The following SYT12 variants were observed in gnomAD, a reference collection of about 807,000 sequenced individuals.
SYT12 encodes the protein synaptotagmin-12.
In SYT12, 27 loss-of-function variants were observed where a neutral mutation model predicts 39.5. The observed-to-expected ratio is 0.68, with a 90% CI of 0.50 to 0.94. The LOEUF (loss-of-function observed/expected upper bound fraction) is 0.94, where lower values mean the gene tolerates loss of function less well. Among genes scored for constraint, SYT12 ranks in the 40% least tolerant of loss-of-function variants. The pLI, the probability that SYT12 is intolerant of heterozygous loss-of-function variation, is 0.00. For synonymous variants in SYT12, 233 were observed against 239.7 expected, an observed-to-expected ratio of 0.97 and a Z score of 0.26; for missense variants, 536 against 572.6, an observed-to-expected ratio of 0.94 and a Z score of 0.65.
chr11:67,037,549 AAAAT>A lies in SYT12; in HGVS notation c.229-2226_229-2223del, dbSNP rs34631289. Among the ~76,000 whole-genome samples, 602 of 145,872 alleles carry A rather than the reference AAAAT, an allele frequency of 4.1e-3. 2 individuals carry two copies. The highest frequency in any genetic ancestry group is 0.017 in the Middle Eastern group (5 of 286). ...AACAAAGCAAGATCTCATCTCTACC[AAAAT>A]AAATAAATAAATAAATAAATAAATA... On this transcript the variant is annotated intron_variant, in intron 3 of 7. Transcript: ENST00000527043.
chr11:67,032,441 T>C (rs1204851397), intron 2 of SYT12: 1 of 152,248 alleles, frequency 6.6e-6, no homozygotes, highest in African/African-American at 2.4e-5. Context: ...ATGGGGGATG[T>C]TCTTGTCATC....
In SYT12 at chr11:67,030,178, G is replaced by A. The variant is rs532275831; in HGVS notation, c.34G>A (p.Val12Ile). The A allele has an allele frequency of 1.2e-5, 19 of 1,614,068 alleles. No homozygotes were observed. The highest frequency in any genetic ancestry group is 2.2e-5 in the South Asian group (2 of 91,074). The change falls in exon 2 of 8, where the codon GTC (valine) becomes ATC (isoleucine). Residue 12 changes from valine to isoleucine, a missense_variant and splice_region_variant. By Grantham distance (29) the Val-to-Ile change is conservative. Coordinates refer to ENST00000527043, the MANE Select transcript of SYT12 (RefSeq NM_177963.4). ...AVDVAEYHLS[V>I]IKSPPGWEVG... ...GGATGTGGCAGAATACCATCTGAGCGGTGAGTGCCCAGGGCAAACCCCTCC... is the reference window on the plus strand; with the variant it reads ...GGATGTGGCAGAATACCATCTGAGCAGTGAGTGCCCAGGGCAAACCCCTCC...
At chr11:67,043,244 G>A (rs977977612) in intron 4 of SYT12, among the ~76,000 whole-genome samples, 4 of 152,166 alleles carry the variant, frequency 2.6e-5, no homozygotes, top group African/African-American at 9.7e-5. Context: ...CAGGAACCTG[G>A]GACGTCAGTG....
Position 67,023,210 on chromosome 11 carries a change from A to T in SYT12, c.-274A>T, listed in dbSNP as rs1032130318. The T allele has an allele frequency of 5.3e-5, 8 of 151,870 alleles. No homozygotes were observed. The highest frequency in any genetic ancestry group is 1.9e-4 in the African/African-American group (8 of 41,408). The allele number at this position is 151,870 out of a possible 1,614,324, so 9.4% of individuals were successfully genotyped here. ...AAATTCAAGAGGGAGCGGGCGGGCA[A>T]GCGGGCGAGCGCGAGGGAGCGCGCG... On this transcript the variant is annotated 5_prime_UTR_variant, in exon 1 of 8. The change creates a new upstream start codon in the 5' untranslated region. Transcript: ENST00000527043.
chr11:67,036,490 A>G (rs1385104280), intron 3 of SYT12, among the ~76,000 whole-genome samples: 1 of 152,220 alleles, frequency 6.6e-6, no homozygotes, highest in African/African-American at 2.4e-5. Context: ...AAGTTTTATC[A>G]TTTAACACAT....
chr11:67,048,577 TC>T lies in SYT12; in HGVS notation c.1093-5del. 6.3e-7 allele frequency: 1 copy of T among 1,589,440 alleles called. No homozygotes were observed. The highest frequency in any genetic ancestry group is 8.6e-7 in the Non-Finnish European group (1 of 1,159,838). ...GGTCCTCAGCACCCATGTTGCCTCT[TC>T]CTCAGGACCTGTCTCTCCGCGTGAC... On this transcript the variant is annotated splice_polypyrimidine_tract_variant and splice_region_variant and intron_variant, in intron 7 of 7. Coordinates refer to ENST00000527043, the MANE Select transcript of SYT12 (RefSeq NM_177963.4).
rs1454029863 is a variant in SYT12, at chr11:67,049,839, A to C, written c.*1082A>C. 2 of 152,342 alleles carry C rather than the reference A, an allele frequency of 1.3e-5. No individual in the cohort carries two copies. The highest frequency in any genetic ancestry group is 4.8e-5 in the African/African-American group (2 of 41,456). The allele number at this position is 152,342 out of a possible 1,614,324, so 9.4% of individuals were successfully genotyped here. A position where few individuals can be genotyped will look rare whatever the true frequency, so the allele number is the denominator to read the frequency against. On this transcript the variant is annotated 3_prime_UTR_variant, in exon 8 of 8. Coordinates refer to ENST00000527043, the MANE Select transcript of SYT12 (RefSeq NM_177963.4). Reference sequence around the variant, plus strand: ...GTGGAAGGGCGGCTTGAGGGACGCCAGGAGAAGACTGAATGCCAGGCTAGG... The same window carrying C: ...GTGGAAGGGCGGCTTGAGGGACGCCCGGAGAAGACTGAATGCCAGGCTAGG...
chr11:67,037,471 G>A (rs1161673034), intron 3 of SYT12, among the ~76,000 whole-genome samples: 3 of 151,812 alleles, frequency 2.0e-5, no homozygotes, highest in Non-Finnish European at 4.4e-5. Flanking sequence ...AGCACTTTGG[G>A]TAGCCAAGGC....
rs765807457 is a variant in SYT12 at position 67,048,675 on chromosome 11, G to T, written c.1184G>T (p.Gly395Val). ...GTCATCATTGGGCCGTCAGCCAGTG[G>T]CATGGGAACCACACATTGGAACCAG... is the stretch of plus-strand genomic sequence containing the variant. ...GHVIIGPSAS[G>V]MGTTHWNQML... Residue 395 changes from glycine (G) to valine (V), a missense_variant, in exon 8 of 8, where the codon GGC (glycine) becomes GTC (valine). Physicochemically the swap from Gly to Val is moderately radical, Grantham distance 109 (BLOSUM62 -3). Coordinates refer to ENST00000527043, the MANE Select transcript of SYT12 (RefSeq NM_177963.4). 3.1e-6 allele frequency: 5 copies of T among 1,612,898 alleles called. No individual in the cohort carries two copies. The highest frequency in any genetic ancestry group is 4.2e-6 in the Non-Finnish European group (5 of 1,179,270).
At chr11:67,021,664 A>C (rs940912702), upstream of SYT12, among the ~76,000 whole-genome samples, 13 of 151,766 alleles carry the variant, frequency 8.6e-5, no homozygotes, top group African/African-American at 2.9e-4. Flanking sequence ...CTGACTCCCA[A>C]CTCCCTTCCA....
chr11:67,012,459 G>C (rs1021209467), intron 3 of SYT12, among the ~76,000 whole-genome samples: 1 of 152,154 alleles, frequency 6.6e-6, no homozygotes, highest in Non-Finnish European at 1.5e-5. Flanking sequence ...GACTGACTGA[G>C]CTATCCCACC....
upstream of SYT12, chr11:67,021,857 G>C (rs1950112763): frequency 6.6e-6 from 1 of 151,742 alleles, no homozygotes; most frequent in South Asian, 2.1e-4. Flanking sequence ...CTTTCTCTTT[G>C]TTCTGTTCCA....
At chr11:67,044,201 G>A (rs1171380622) in intron 5 of SYT12, among the ~76,000 whole-genome samples, 1 of 152,206 alleles carries the variant, frequency 6.6e-6, no homozygotes, top group Non-Finnish European at 1.5e-5. Context: ...AATGCTCACA[G>A]AACATCATTG....
rs763674741 is a variant in SYT12 at position 67,049,886 on chromosome 11, G to C, written c.*1129G>C. On this transcript the variant is annotated 3_prime_UTR_variant, in exon 8 of 8. Transcript: ENST00000527043. The stretch of plus-strand genomic sequence containing the variant: ...TAGGAAGGAGGCGGCTCTCGATCAC[G>C]GGGTGGGTGCCCCCGACACCGGGTC... 6.6e-6 allele frequency: 1 copy of C among 152,216 alleles called. No homozygotes were observed. Among genetic ancestry groups the C allele is most frequent in the African/African-American group, 2.4e-5 (1 of 41,440 alleles). The allele number at this position is 152,216 out of a possible 1,614,324, so 9.4% of individuals were successfully genotyped here.
chr11:67,044,726 CG>C lies in SYT12; in HGVS notation c.958+15del. ...AAGACCACAGCGGGTAAGGCCCAGC[CG>C]GCAGCCCGGCTCCTCCACGTAGCTC... On this transcript the variant is annotated intron_variant, in intron 6 of 7. Coordinates refer to ENST00000527043, the MANE Select transcript of SYT12 (RefSeq NM_177963.4). The C allele has an allele frequency of 6.2e-7, 1 of 1,613,248 alleles. No individual in the cohort carries two copies. Among genetic ancestry groups the C allele is most frequent in the Non-Finnish European group, 8.5e-7 (1 of 1,179,778 alleles).
intron 3 of SYT12, among the ~76,000 whole-genome samples, chr11:67,038,645 A>G (rs1950434447): frequency 6.6e-6 from 1 of 152,132 alleles, no homozygotes; most frequent in African/African-American, 2.4e-5. Context: ...CATCACTGCA[A>G]TCGACAACTT....
intron 1 of SYT12, chr11:67,029,865 A>G: frequency 2.3e-6 from 1 of 438,552 alleles, no homozygotes; most frequent in South Asian, 4.0e-5. Context: ...AAACAAAACA[A>G]AACAAAACAA....
chr11:67,045,224 G>A (rs183446954), intron 6 of SYT12, among the ~76,000 whole-genome samples: 142 of 142,456 alleles, frequency 1.0e-3, no homozygotes, highest in African/African-American at 3.3e-3. Context: ...GTATTCTAGA[G>A]AACTGAAGAC....
chr11:67,017,998 A>T (rs1221845626), intron 3 of SYT12, among the ~76,000 whole-genome samples: 1 of 150,724 alleles, frequency 6.6e-6, no homozygotes, highest in Non-Finnish European at 1.5e-5. Flanking sequence ...GCGGTGGCTC[A>T]CACATGTAAT....
Sources: allele counts gnomAD v4.1 joint callset (sites outside exome capture counted in the v4.1 genomes callset), GRCh38; gene constraint gnomAD v4.1.1; transcripts MANE v1.5; gene names NCBI Gene and HGNC (gene_info 2026-07-23, HGNC 2026-07-21).